The following ARSB variants were observed in gnomAD, a reference collection of about 807,000 sequenced individuals.
ARSB encodes N-acetylgalactosamine-4-sulfatase.
Under a neutral mutation model 50.9 loss-of-function variants are expected in ARSB, and 41 were observed. The ratio of observed to expected loss-of-function variants is 0.81; its 90% CI spans 0.63 to 1.04. ARSB has a LOEUF of 1.04. Ranked by LOEUF, ARSB falls within the 50% of genes least tolerant of loss-of-function variation. The pLI is 0.00. For synonymous variants in ARSB, 269 were observed against 284.8 expected, an observed-to-expected ratio of 0.94 and a Z score of 0.56; for missense variants, 672 against 693.3, an observed-to-expected ratio of 0.97 and a Z score of 0.35.
chr5:78,868,678 G>A (rs1375076881), intron 5 of ARSB, among the ~76,000 whole-genome samples: 2 of 147,054 alleles, frequency 1.4e-5, no homozygotes, highest in African/African-American at 2.5e-5. Flanking sequence ...AACATGGAAA[G>A]GAACAACCGG....
rs181946619 is a variant in ARSB, at chr5:78,845,714, T to C, written c.1143-6288A>G. ...GTGTCTATTCAGCTCATTTACCCAT[T>C]TTAAACTGGATTATTTGGGGGGTTT... On this transcript the variant is annotated intron_variant, in intron 5 of 7. Transcript: ENST00000264914. Among the ~76,000 whole-genome samples the C allele has an allele frequency of 5.3e-5, 8 of 152,238 alleles. No individual in the cohort carries two copies. In the East Asian group the frequency reaches 1.5e-3, roughly 29 times the overall value.
chr5:78,817,100 T>C (rs1744020525), intron 6 of ARSB: 1 of 985,318 alleles, frequency 1.0e-6, no homozygotes, highest in Non-Finnish European at 1.2e-6. Context: ...AGTACCCTCC[T>C]TGTCTTCCGG....
intron 4 of ARSB, among the ~76,000 whole-genome samples, chr5:78,952,119 A>ATCC (rs1347750769): frequency 6.6e-6 from 1 of 152,314 alleles, no homozygotes; most frequent in African/African-American, 2.4e-5. Context: ...ATTTAAGGTG[A>ATCC]TCCTCATTTT....
At chr5:78,858,870 C>G (rs770699171) in intron 5 of ARSB, among the ~76,000 whole-genome samples, 1 of 152,216 alleles carries the variant, frequency 6.6e-6, no homozygotes, top group Admixed American at 6.5e-5. Context: ...CAAACACACT[C>G]TCTCACTAAA....
Position 78,922,452 on chromosome 5 carries a change from A to C in ARSB, c.898+32843T>G, listed in dbSNP as rs149708519. Among the ~76,000 whole-genome samples, 1,174 of 152,010 alleles carry C rather than the reference A, an allele frequency of 7.7e-3. 19 individuals are homozygous for C. The highest frequency in any genetic ancestry group is 0.027 in the African/African-American group (1,115 of 41,470). ...ATGTCTAGATATATCCTGGGCCAGA[A>C]GGGAGCCCACTACCTTGAAGGGAAG... is the stretch of plus-strand genomic sequence containing the variant. On this transcript the variant is annotated intron_variant, in intron 4 of 7. Transcript: ENST00000264914.
Position 78,777,395 on chromosome 5 carries a change from A to C in ARSB, c.*3002T>G, listed in dbSNP as rs577133342. ...GCATTTATGATGTTGTATAACCATGACCACTATCTAGTTCCAGAACTTTCT... is the reference window on the plus strand; with the variant it reads ...GCATTTATGATGTTGTATAACCATGCCCACTATCTAGTTCCAGAACTTTCT... On this transcript the variant is annotated 3_prime_UTR_variant, in exon 8 of 8. Coordinates refer to ENST00000264914, the MANE Select transcript of ARSB (RefSeq NM_000046.5). 6.5e-6 allele frequency: 1 copy of C among 152,770 alleles called. No individual in the cohort carries two copies. Among genetic ancestry groups the C allele is most frequent in the South Asian group, 2.1e-4 (1 of 4,828 alleles). The allele number at this position is 152,770 out of a possible 1,614,324, so 9.5% of individuals were successfully genotyped here.
At chr5:78,853,619 TG>T (rs1411639522) in intron 5 of ARSB, among the ~76,000 whole-genome samples, 1 of 152,226 alleles carries the variant, frequency 6.6e-6, no homozygotes, top group Non-Finnish European at 1.5e-5. Flanking sequence ...AGTCTGCAGA[TG>T]TTACTGATGT....
At chr5:78,818,718 T>C (rs1580999677) in intron 6 of ARSB, among the ~76,000 whole-genome samples, 1 of 144,206 alleles carries the variant, frequency 6.9e-6, no homozygotes, top group Middle Eastern at 3.7e-3. Context: ...CCTGGGTCCA[T>C]GCCATTCTCC....
chr5:78,795,657 A>G (rs918823977), intron 6 of ARSB, among the ~76,000 whole-genome samples: 1 of 152,214 alleles, frequency 6.6e-6, no homozygotes, highest in African/African-American at 2.4e-5. Flanking sequence ...TTACAACACG[A>G]AACAGGAGTG....
At chr5:78,982,618 T>C (rs543042422) in intron 1 of ARSB, among the ~76,000 whole-genome samples, 3 of 152,354 alleles carry the variant, frequency 2.0e-5, no homozygotes, top group African/African-American at 4.8e-5. Flanking sequence ...TCTTCCAGCA[T>C]CAGTTTCCTT....
chr5:78,979,227 A>G (rs1752794034), intron 1 of ARSB, among the ~76,000 whole-genome samples: 1 of 152,260 alleles, frequency 6.6e-6, no homozygotes, highest in African/African-American at 2.4e-5. Flanking sequence ...ATAAGACATT[A>G]AAAGATGTTC....
At chr5:78,886,405 C>T (rs1274497329) in intron 4 of ARSB, among the ~76,000 whole-genome samples, 1 of 152,158 alleles carries the variant, frequency 6.6e-6, no homozygotes, top group Non-Finnish European at 1.5e-5. Flanking sequence ...ATAAATGTCT[C>T]TGTAAACAGA....
At chr5:78,952,762 A>G (rs1049703845) in intron 4 of ARSB, among the ~76,000 whole-genome samples, 1 of 152,192 alleles carries the variant, frequency 6.6e-6, no homozygotes, top group Non-Finnish European at 1.5e-5. Context: ...ACATTAATCC[A>G]TATATACTTT....
At chr5:78,926,450 T>C (rs1451530960) in intron 4 of ARSB, among the ~76,000 whole-genome samples, 1 of 152,224 alleles carries the variant, frequency 6.6e-6, no homozygotes, top group Non-Finnish European at 1.5e-5. Context: ...CCCACTTTTT[T>C]TTTTTCTTTA....
intron 5 of ARSB, among the ~76,000 whole-genome samples, chr5:78,876,880 T>C (rs1354344469): frequency 6.6e-6 from 1 of 152,206 alleles, no homozygotes; most frequent in African/African-American, 2.4e-5. Flanking sequence ...TAAATCCTCA[T>C]AGGAGTGCGA....
chr5:78,816,119 A>T, intron 6 of ARSB: 1 of 1,614,172 alleles, frequency 6.2e-7, no homozygotes, highest in Non-Finnish European at 8.5e-7. Flanking sequence ...GCCAGTCTGT[A>T]AAACACACAA....
intron 5 of ARSB, among the ~76,000 whole-genome samples, chr5:78,852,699 A>T (rs1260937054): frequency 2.0e-5 from 3 of 152,112 alleles, no homozygotes; most frequent in Admixed American, 2.0e-4. Flanking sequence ...TACACCAATC[A>T]GACGTAGATT....
chr5:78,898,182 C>A (rs1748657723), intron 4 of ARSB, among the ~76,000 whole-genome samples: 1 of 152,074 alleles, frequency 6.6e-6, no homozygotes, highest in Non-Finnish European at 1.5e-5. Context: ...GCAGGAGAAT[C>A]GCTTGAACCC....
In ARSB at chr5:78,777,423, T is replaced by A. The variant is rs1317500625; in HGVS notation, c.*2974A>T. The A allele has an allele frequency of 2.6e-5, 4 of 152,660 alleles. No homozygotes were observed. The East Asian group carries it at 5.8e-4, about 22-fold the overall frequency. 9.5% of individuals were successfully genotyped at this position (152,660 alleles called of 1,614,324 possible). A position where few individuals can be genotyped will look rare whatever the true frequency, so the allele number is the denominator to read the frequency against. ...ACTATCTAGTTCCAGAACTTTCTCC[T>A]CACCCCAAATGGAAGCCCCATACAT... On this transcript the variant is annotated 3_prime_UTR_variant, in exon 8 of 8. Transcript: ENST00000264914.
Sources: gnomAD v4.1 joint callset for allele counts (sites outside exome capture counted in the v4.1 genomes callset) on GRCh38, gnomAD v4.1.1 for gene constraint, MANE v1.5 for transcripts, NCBI Gene and HGNC (gene_info 2026-07-23, HGNC 2026-07-21) for gene names.